The following ATP8B1 variants were observed in gnomAD, a reference collection of about 807,000 sequenced individuals.
ATP8B1 encodes the protein phospholipid-transporting ATPase IC.
Under a neutral mutation model 149.9 loss-of-function variants are expected in ATP8B1, and 80 were observed. The observed-to-expected ratio is 0.53, with a 90% CI of 0.45 to 0.64. The LOEUF (loss-of-function observed/expected upper bound fraction) is 0.64. Among genes scored for constraint, ATP8B1 ranks in the 30% least tolerant of loss-of-function variants. The pLI, the probability that ATP8B1 is intolerant of heterozygous loss-of-function variation, is 0.00. For synonymous variants in ATP8B1, 536 were observed against 562.8 expected (o/e 0.95, Z 0.67); for missense variants, 1,247 against 1,552.6 (o/e 0.80, Z 3.31).
intron 17 of ATP8B1, among the ~76,000 whole-genome samples, chr18:57,670,075 C>G (rs1031500503): frequency 1.3e-5 from 2 of 152,154 alleles, no homozygotes; most frequent in African/African-American, 2.4e-5. Flanking sequence ...CTCATTTTCT[C>G]TTTTTCTCTT....
At chr18:57,723,796 A>G (rs1400280822) in intron 2 of ATP8B1, among the ~76,000 whole-genome samples, 1 of 148,924 alleles carries the variant, frequency 6.7e-6, no homozygotes, top group Non-Finnish European at 1.5e-5. Context: ...TGCCAAGTCA[A>G]TCCTAAGCCA....
chr18:57,658,667 GT>G (rs1555688371), intron 22 of ATP8B1, among the ~76,000 whole-genome samples: 1 of 121,430 alleles, frequency 8.2e-6, no homozygotes, highest in African/African-American at 2.8e-5. Flanking sequence ...GTGTGTGTGT[GT>G]TCTTTTTTGT....
At chr18:57,726,159 T>C (rs1345105101) in intron 2 of ATP8B1, among the ~76,000 whole-genome samples, 1 of 152,152 alleles carries the variant, frequency 6.6e-6, no homozygotes, top group African/African-American at 2.4e-5. Context: ...ACTCAAGAAG[T>C]TGAGGTTGCA....
intron 6 of ATP8B1, among the ~76,000 whole-genome samples, chr18:57,700,239 AT>A (rs1300878713): frequency 5.3e-5 from 8 of 150,746 alleles, no homozygotes; most frequent in South Asian, 2.1e-4. Flanking sequence ...GATAAGCCAA[AT>A]TTTTTTTTTA....
intron 1 of ATP8B1, among the ~76,000 whole-genome samples, chr18:57,775,359 G>T (rs972166359): frequency 1.3e-5 from 2 of 150,860 alleles, no homozygotes; most frequent in East Asian, 3.9e-4. Flanking sequence ...GGAGAGAGAC[G>T]AAAGAAAGAA....
chr18:57,726,354 T>A (rs1227797876), intron 2 of ATP8B1, among the ~76,000 whole-genome samples: 1 of 152,032 alleles, frequency 6.6e-6, no homozygotes, highest in Non-Finnish European at 1.5e-5. Context: ...ACAAATGAGA[T>A]CACAAGTTAA....
chr18:57,734,851 G>A (rs2079830532), intron 1 of ATP8B1, among the ~76,000 whole-genome samples: 1 of 152,152 alleles, frequency 6.6e-6, no homozygotes, highest in African/African-American at 2.4e-5. Context: ...GATTTCCTAG[G>A]CCGACTATGA....
At chr18:57,661,025 G>A (rs996691838) in intron 22 of ATP8B1, 149 bp downstream of exon 22, 46 of 1,100,118 alleles carry the variant, frequency 4.2e-5, no homozygotes, top group Non-Finnish European at 5.1e-5. Flanking sequence ...GGTCACAGGC[G>A]TTGTCATGGT....
intron 1 of ATP8B1, among the ~76,000 whole-genome samples, chr18:57,772,233 C>T (rs888546652): frequency 1.3e-5 from 2 of 152,152 alleles, no homozygotes; most frequent in Non-Finnish European, 2.9e-5. Flanking sequence ...ATGACATTCA[C>T]TGTGAGTATT....
chr18:57,671,958 G>A (rs968202315), intron 16 of ATP8B1, among the ~76,000 whole-genome samples: 7 of 152,140 alleles, frequency 4.6e-5, no homozygotes, highest in African/African-American at 1.7e-4. Flanking sequence ...CATTTATAAA[G>A]TTAATTTGAA....
chr18:57,742,042 G>T (rs2079919439), intron 1 of ATP8B1, among the ~76,000 whole-genome samples: 4 of 152,006 alleles, frequency 2.6e-5, no homozygotes, highest in Admixed American at 2.6e-4. Flanking sequence ...GCTAATTTTT[G>T]TATTTTTAGT....
intron 2 of ATP8B1, among the ~76,000 whole-genome samples, chr18:57,713,626 G>A (rs577679298): frequency 2.0e-5 from 3 of 151,736 alleles, no homozygotes; most frequent in Admixed American, 2.0e-4. Context: ...GAGTAGCTGG[G>A]ATTAGAGGTG....
At chr18:57,763,537 C>T (rs895612969) in intron 1 of ATP8B1, among the ~76,000 whole-genome samples, 7 of 152,118 alleles carry the variant, frequency 4.6e-5, no homozygotes, top group Admixed American at 3.9e-4. Context: ...TTTGTTAGAA[C>T]TAAACAGAAC....
At chr18:57,706,830 G>A (rs1913421299) in intron 2 of ATP8B1, among the ~76,000 whole-genome samples, 1 of 152,206 alleles carries the variant, frequency 6.6e-6, no homozygotes, top group Non-Finnish European at 1.5e-5. Flanking sequence ...ATAGATGGAA[G>A]ACGATGCGAA....
rs1912892995 is a variant in ATP8B1, at chr18:57,697,707, A to T, written c.628-19T>A. 6.2e-7 allele frequency: 1 copy of T among 1,613,988 alleles called. No homozygotes were observed. Among genetic ancestry groups the T allele is most frequent in the East Asian group, 2.2e-5 (1 of 44,866 alleles). ...TGTCAGCCTGTCCAAAACAAAACAC[A>T]CAAATAACACCGAGACCCTGAGGGA... On this transcript the variant is annotated intron_variant, in intron 7 of 27. Transcript: ENST00000648908.
At chr18:57,720,046 G>C (rs2079627359) in intron 2 of ATP8B1, among the ~76,000 whole-genome samples, 1 of 151,834 alleles carries the variant, frequency 6.6e-6, no homozygotes, top group South Asian at 2.1e-4. Context: ...CTGTCTGTTA[G>C]AAGGAAAACT....
In ATP8B1 at chr18:57,669,382, AC is replaced by A; in HGVS notation, c.2032del (p.Val678TrpfsTer21). On this transcript the variant is annotated frameshift_variant, in exon 18 of 28. Coordinates refer to ENST00000648908, the MANE Select transcript of ATP8B1 (RefSeq NM_001374385.1). LOFTEE classifies it high-confidence loss of function. The stretch of plus-strand genomic sequence containing the variant: ...AGCTTCGTCCCGGTTGGTGGAGGCC[AC>A]ACTGGCAGCCATAAACTTTTTATTC... Reference protein sequence around the residue: ...EWNKKFMAASVASTNRDEALD... With the variant: ...EWNKKFMAASXASTNRDEALD... 3.7e-6 allele frequency: 6 copies of A among 1,614,064 alleles called. No homozygotes were observed. The highest frequency in any genetic ancestry group is 5.1e-6 in the Non-Finnish European group (6 of 1,179,982).
At chr18:57,734,546 T>C (rs565610132) in intron 1 of ATP8B1, among the ~76,000 whole-genome samples, 1 of 152,346 alleles carries the variant, frequency 6.6e-6, no homozygotes, top group South Asian at 2.1e-4. Context: ...GAAAAATGTC[T>C]ATTCATGTCC....
intron 1 of ATP8B1, among the ~76,000 whole-genome samples, chr18:57,761,380 G>A (rs1218278396): frequency 2.0e-5 from 3 of 152,158 alleles, no homozygotes; most frequent in African/African-American, 7.2e-5. Context: ...ATGGCACCAC[G>A]AGCAGTACGG....
Sources: gnomAD v4.1 joint callset for allele counts (sites outside exome capture counted in the v4.1 genomes callset) on GRCh38, gnomAD v4.1.1 for gene constraint, MANE v1.5 for transcripts, NCBI Gene and HGNC (gene_info 2026-07-23, HGNC 2026-07-21) for gene names.